TEF: variants seen among roughly 807,000 people sequenced by gnomAD.
TEF encodes the protein TEF transcription factor, PAR bZIP family member.
In TEF, 3 loss-of-function variants were observed where a neutral mutation model predicts 20.8. That is an observed-to-expected ratio of 0.14 (90% CI 0.07 to 0.37). TEF has a LOEUF of 0.37. Among genes scored for constraint, TEF ranks in the 10% least tolerant of loss-of-function variants. TEF has a pLI of 1.00. For synonymous variants in TEF, 180 were observed against 171.1 expected (o/e 1.05, Z -0.41); for missense variants, 296 against 397.9 (o/e 0.74, Z 2.18).
chr22:41,376,175 T>C (rs1164803766), intron 1 of TEF, among the ~76,000 whole-genome samples: 2 of 152,210 alleles, frequency 1.3e-5, no homozygotes, highest in African/African-American at 4.8e-5. Context: ...ATTGGCAAAA[T>C]GGCTTAATGA....
At chr22:41,378,065 T>C (rs1053072378), upstream of TEF, among the ~76,000 whole-genome samples, 1 of 151,982 alleles carries the variant, frequency 6.6e-6, no homozygotes, top group Non-Finnish European at 1.5e-5. Context: ...TTCCCAGCAA[T>C]AATGTCGTAT....
In TEF at chr22:41,397,033, TG is replaced by T; in HGVS notation, c.*1078del. The T allele has an allele frequency of 2.5e-6, 1 of 398,810 alleles. No homozygotes were observed. Among genetic ancestry groups the T allele is most frequent in the Non-Finnish European group, 4.4e-6 (1 of 226,312 alleles). The allele number at this position is 398,810 out of a possible 1,614,324, so 24.7% of individuals were successfully genotyped here. On this transcript the variant is annotated 3_prime_UTR_variant, in exon 4 of 4. Transcript: ENST00000266304. Reference sequence around the variant, plus strand: ...GGCCTGGGCTGGAGTGCACTCTCCCTGGGGGCAGCTGGGGCCTCGCAATTCT... The same window carrying T: ...GGCCTGGGCTGGAGTGCACTCTCCCTGGGGCAGCTGGGGCCTCGCAATTCT...
chr22:41,396,016 G>T lies in TEF; in HGVS notation c.*56G>T. The T allele has an allele frequency of 6.4e-7, 1 of 1,562,890 alleles. No individual in the cohort carries two copies. The highest frequency in any genetic ancestry group is 8.7e-7 in the Non-Finnish European group (1 of 1,144,950). On this transcript the variant is annotated 3_prime_UTR_variant, in exon 4 of 4. Coordinates refer to ENST00000266304, the MANE Select transcript of TEF (RefSeq NM_003216.4). The stretch of plus-strand genomic sequence containing the variant: ...CTGCACCTCAGACCTCTGCCTGGGG[G>T]CTCCCTGTAACCCCTCACACGCGTG...
rs2036850988 is a variant in TEF, at chr22:41,369,053, C to T, written c.67+1454C>T. The T allele has an allele frequency of 3.0e-6, 3 of 985,274 alleles. No individual in the cohort carries two copies. The African/African-American group carries it at 5.2e-5, about 17-fold the overall frequency. 61.0% of individuals were successfully genotyped at this position (985,274 alleles called of 1,614,324 possible). ...AGGAACCCAGGAAGGGTGGTACAGTCCCTCCTGGCTCCCCCAAGGTGTCCC... is the reference window on the plus strand; with the variant it reads ...AGGAACCCAGGAAGGGTGGTACAGTTCCTCCTGGCTCCCCCAAGGTGTCCC... On this transcript the variant is annotated intron_variant, in intron 1 of 3. Transcript: ENST00000406644.
upstream of TEF, among the ~76,000 whole-genome samples, chr22:41,381,291 C>T (rs191954184): frequency 9.3e-3 from 1,411 of 152,254 alleles, 9 homozygotes; most frequent in Non-Finnish European, 0.014. Context: ...CAAAAAGACC[C>T]GTCCCTCCCT....
chr22:41,382,880 C>T (rs1000871292), intron 1 of TEF: 5 of 470,772 alleles, frequency 1.1e-5, no homozygotes, highest in African/African-American at 1.0e-4. Context: ...TGAGGCCCTT[C>T]GCCTGGTTGG....
chr22:41,397,826 G>A lies in TEF; in HGVS notation c.*1866G>A, dbSNP rs1175129986. On this transcript the variant is annotated 3_prime_UTR_variant, in exon 4 of 4. Transcript: ENST00000266304. Reference sequence around the variant, plus strand: ...TCTGGCCTGGTGGATCACCAAGAGGGCGGTTCTCATTTTGTTATTAGTGGA... The same window carrying A: ...TCTGGCCTGGTGGATCACCAAGAGGACGGTTCTCATTTTGTTATTAGTGGA... The A allele has an allele frequency of 1.3e-5, 2 of 152,254 alleles. No homozygotes were observed. The highest frequency in any genetic ancestry group is 4.8e-5 in the African/African-American group (2 of 41,458). The allele number at this position is 152,254 out of a possible 1,614,324, so 9.4% of individuals were successfully genotyped here.
At position 41,382,026 on chromosome 22, in the gene TEF, G is replaced by T; in HGVS notation, c.-19G>T. 8.1e-7 allele frequency: 1 copy of T among 1,230,460 alleles called. No individual in the cohort carries two copies. The highest frequency in any genetic ancestry group is 1.0e-6 in the Non-Finnish European group (1 of 987,096). 76.2% of individuals were successfully genotyped at this position (1,230,460 alleles called of 1,614,324 possible). ...GGCGGGCGGGGGAGGCGAGGTGCGCGAGCCGAGTCCGGGGCACGATGTCCG... is the reference window on the plus strand; with the variant it reads ...GGCGGGCGGGGGAGGCGAGGTGCGCTAGCCGAGTCCGGGGCACGATGTCCG... On this transcript the variant is annotated 5_prime_UTR_variant, in exon 1 of 4. Coordinates refer to ENST00000266304, the MANE Select transcript of TEF (RefSeq NM_003216.4).
intron 2 of TEF, among the ~76,000 whole-genome samples, chr22:41,392,547 G>A (rs1834359320): frequency 1.3e-5 from 2 of 151,422 alleles, no homozygotes; most frequent in African/African-American, 4.9e-5. Context: ...GGTAGTGGGC[G>A]CCAGTAGTCC....
intron 2 of TEF, among the ~76,000 whole-genome samples, chr22:41,388,558 A>G (rs9607800): frequency 0.19 from 29,087 of 150,824 alleles, 3,945 homozygotes; most frequent in Admixed American, 0.39. Context: ...TAGCCTGGGC[A>G]ACAGAGTGAG....
chr22:41,368,888 G>A (rs1330293946), intron 1 of TEF, among the ~76,000 whole-genome samples: 4 of 152,244 alleles, frequency 2.6e-5, no homozygotes, highest in South Asian at 2.1e-4. Context: ...CAACTCAGCC[G>A]GAGGGATCTG....
intron 2 of TEF, among the ~76,000 whole-genome samples, chr22:41,388,028 C>A (rs1250674502): frequency 9.2e-6 from 1 of 108,740 alleles, no homozygotes; most frequent in Admixed American, 1.3e-4. Context: ...GAAGGAGTCT[C>A]GCTCTGTTGC....
Position 41,369,308 on chromosome 22 carries a change from G to A in TEF, c.67+1709G>A, listed in dbSNP as rs150920801. On this transcript the variant is annotated intron_variant, in intron 1 of 3. Transcript: ENST00000406644. The stretch of plus-strand genomic sequence containing the variant: ...GTCAGGGCCTGGCACATAGGGGACC[G>A]CCCAAGGTTTCAGGCAGAGCTTTGC... 1.0e-4 allele frequency: 96 copies of A among 946,040 alleles called. 1 individual carries two copies. In the East Asian group the frequency reaches 8.1e-3, roughly 80 times the overall value. The allele number at this position is 946,040 out of a possible 1,614,324, so 58.6% of individuals were successfully genotyped here. A position where few individuals can be genotyped will look rare whatever the true frequency, so the allele number is the denominator to read the frequency against.
At chr22:41,368,158 A>G (rs140473863) in intron 1 of TEF, among the ~76,000 whole-genome samples, 259 of 152,216 alleles carry the variant, frequency 1.7e-3, no homozygotes, top group African/African-American at 5.7e-3. Context: ...AGGAGAGAGG[A>G]GGGCGTGGAC....
chr22:41,368,670 G>A (rs964866867), intron 1 of TEF, among the ~76,000 whole-genome samples: 13 of 152,204 alleles, frequency 8.5e-5, no homozygotes, highest in Admixed American at 5.2e-4. Context: ...GGGGAAGGAC[G>A]TACTGGGAGC....
chr22:41,375,932 A>AG lies in TEF; in HGVS notation c.67+8334dup, dbSNP rs2036936296. Among the ~76,000 whole-genome samples the AG allele has an allele frequency of 2.0e-5, 3 of 152,262 alleles. No homozygotes were observed. The East Asian group carries it at 5.8e-4, about 29-fold the overall frequency. The stretch of plus-strand genomic sequence containing the variant: ...CCCTCCTGCATTTGATTTGCGCAAA[A>AG]GACACAGATAACCGGGCTTTCTTAG... On this transcript the variant is annotated intron_variant, in intron 1 of 3. Transcript: ENST00000406644.
chr22:41,376,323 G>A (rs1200163463), intron 1 of TEF, among the ~76,000 whole-genome samples: 7 of 152,132 alleles, frequency 4.6e-5, no homozygotes, highest in Admixed American at 3.3e-4. Flanking sequence ...CGCAACTTCC[G>A]CCTCCTGGGT....
At chr22:41,375,736 A>G (rs2036933807) in intron 1 of TEF, among the ~76,000 whole-genome samples, 1 of 152,072 alleles carries the variant, frequency 6.6e-6, no homozygotes, top group Non-Finnish European at 1.5e-5. Context: ...AAAAAAAAAA[A>G]AAAAATTGCT....
chr22:41,384,340 C>G (rs1410326650), intron 1 of TEF, among the ~76,000 whole-genome samples: 1 of 152,108 alleles, frequency 6.6e-6, no homozygotes, highest in African/African-American at 2.4e-5. Flanking sequence ...TAATTGCCCT[C>G]TCTTGGATAT....
Sources: allele counts gnomAD v4.1 joint callset (sites outside exome capture counted in the v4.1 genomes callset), GRCh38; gene constraint gnomAD v4.1.1; transcripts MANE v1.5; gene names NCBI Gene and HGNC (gene_info 2026-07-23, HGNC 2026-07-21).